ZNF362: variants seen among roughly 807,000 people sequenced by gnomAD.
The protein encoded by ZNF362 is zinc finger protein 362, also known as rotund homolog.
A neutral mutation model predicts 42.9 loss-of-function variants in ZNF362; 11 were observed. That is an observed-to-expected ratio of 0.26 (90% CI 0.16 to 0.42). The LOEUF (loss-of-function observed/expected upper bound fraction) is 0.42, where lower values mean the gene tolerates loss of function less well. Among genes scored for constraint, ZNF362 ranks in the 20% least tolerant of loss-of-function variants. The probability of loss-of-function intolerance (pLI) is 1.00; values close to 1 mark genes in which losing one functional copy is unlikely to be tolerated. For synonymous variants in ZNF362, 255 were observed against 257.3 expected (o/e 0.99, Z 0.09); for missense variants, 362 against 576.2 (o/e 0.63, Z 3.81).
chr1:33,243,161 G>A, the ZNF362 span, among the ~76,000 whole-genome samples: 22 of 121,460 alleles, frequency 1.8e-4, no homozygotes, highest in African/African-American at 7.4e-4. Flanking sequence ...ATGTTATGTT[G>A]TTATGTTATT....
the ZNF362 span, among the ~76,000 whole-genome samples, chr1:33,225,603 T>C: frequency 2.0e-5 from 3 of 152,050 alleles, no homozygotes. Context: ...TCTCTGAAAG[T>C]AGATGGGGTA....
At chr1:33,238,313 C>T in the ZNF362 span, among the ~76,000 whole-genome samples, 38 of 18,226 alleles carry the variant, frequency 2.1e-3, no homozygotes, top group Non-Finnish European at 4.0e-3. Context: ...TGTGAGGCTC[C>T]GTCTCAAAAT....
At chr1:33,239,444 T>TATTA in the ZNF362 span, among the ~76,000 whole-genome samples, 1 of 152,342 alleles carries the variant, frequency 6.6e-6, no homozygotes, top group East Asian at 1.9e-4. Flanking sequence ...AATGATAGTG[T>TATTA]ATTAGTCCGT....
chr1:33,232,486 A>G, the ZNF362 span, among the ~76,000 whole-genome samples: 2 of 152,118 alleles, frequency 1.3e-5, no homozygotes, highest in Non-Finnish European at 2.9e-5. Flanking sequence ...CTGGTCTCAA[A>G]CTCCTGACAA....
At chr1:33,261,252 C>T (rs1645826151) in intron 1 of ZNF362, 1 of 152,246 alleles carries the variant, frequency 6.6e-6, no homozygotes, top group South Asian at 2.1e-4. Context: ...AAAAAACCCC[C>T]CTCCAGTGAA....
chr1:33,154,806 A>G, the ZNF362 span, among the ~76,000 whole-genome samples: 1 of 123,916 alleles, frequency 8.1e-6, no homozygotes, highest in South Asian at 2.7e-4. Context: ...TCCAAAAAAA[A>G]AAAGTGGCCA....
the ZNF362 span, among the ~76,000 whole-genome samples, chr1:33,189,684 C>T: frequency 0.5 from 10,068 of 19,994 alleles, 1,553 homozygotes; most frequent in East Asian, 0.62. Flanking sequence ...TATATATATA[C>T]GTATATATAT....
intron 6 of ZNF362, among the ~76,000 whole-genome samples, chr1:33,289,367 G>T (rs1243548898): frequency 6.6e-6 from 1 of 152,130 alleles, no homozygotes; most frequent in Non-Finnish European, 1.5e-5. Context: ...GGAAAAAGAG[G>T]GAGACCATGG....
At chr1:33,298,685 T>C (rs1646141883) in intron 8 of ZNF362, among the ~76,000 whole-genome samples, 4 of 152,232 alleles carry the variant, frequency 2.6e-5, no homozygotes, top group Non-Finnish European at 1.5e-5. Context: ...CCTGGGGGCC[T>C]GGCCCTGGAG....
chr1:33,195,493 T>TACAC, the ZNF362 span: 1 of 152,224 alleles, frequency 6.6e-6, no homozygotes, highest in Non-Finnish European at 1.5e-5. Flanking sequence ...AGAGGATACT[T>TACAC]ACACAAACCT....
At chr1:33,156,361 CTCA>C in the ZNF362 span, among the ~76,000 whole-genome samples, 1 of 152,230 alleles carries the variant, frequency 6.6e-6, no homozygotes, top group Non-Finnish European at 1.5e-5. Flanking sequence ...CCAACCAGCT[CTCA>C]TCAAGGCCAC....
the ZNF362 span, among the ~76,000 whole-genome samples, chr1:33,129,534 C>T: frequency 1.1e-4 from 17 of 152,158 alleles, no homozygotes; most frequent in Non-Finnish European, 1.9e-4. The surrounding 1 kb of genome is among the most constrained non-coding windows in gnomAD (Gnocchi z 4.1). Context: ...TATATGTTTA[C>T]GCATTGTGCA....
chr1:33,237,620 A>T, the ZNF362 span, among the ~76,000 whole-genome samples: 1 of 152,126 alleles, frequency 6.6e-6, no homozygotes, highest in Non-Finnish European at 1.5e-5. Flanking sequence ...TCTTTATAGT[A>T]TTCTTCCCCT....
At chr1:33,214,510 T>TA in the ZNF362 span, among the ~76,000 whole-genome samples, 3 of 152,050 alleles carry the variant, frequency 2.0e-5, no homozygotes, top group African/African-American at 7.2e-5. Flanking sequence ...CACATCCAGC[T>TA]AAAAATCTTC....
At chr1:33,277,071 C>A (rs1452288441) in intron 4 of ZNF362, among the ~76,000 whole-genome samples, 1 of 152,228 alleles carries the variant, frequency 6.6e-6, no homozygotes, top group Non-Finnish European at 1.5e-5. Flanking sequence ...GACAGACCGT[C>A]TGGGGTGGGG....
At chr1:33,250,893 A>AAGG in the ZNF362 span, among the ~76,000 whole-genome samples, 6 of 150,006 alleles carry the variant, frequency 4.0e-5, no homozygotes, top group African/African-American at 9.8e-5. Context: ...GAAGAAGAAG[A>AAGG]AGGAGAAGAA....
At chr1:33,276,659 G>A in intron 4 of ZNF362, 65 bp downstream of exon 4, 1 of 1,290,432 alleles carries the variant, frequency 7.7e-7, no homozygotes, top group African/African-American at 1.6e-5. Flanking sequence ...GGGCGTAGCG[G>A]GGGACTTGGT....
chr1:33,285,065 A>G (rs907846007), intron 6 of ZNF362, among the ~76,000 whole-genome samples: 2 of 152,342 alleles, frequency 1.3e-5, no homozygotes, highest in East Asian at 1.9e-4. Context: ...ACAATATCAC[A>G]ATGGAGGACA....
chr1:33,142,825 G>A, the ZNF362 span: 5 of 152,134 alleles, frequency 3.3e-5, no homozygotes, highest in Admixed American at 2.6e-4. Context: ...TGGATGGACC[G>A]GGTTTGATTT....
Sources: gnomAD v4.1 joint callset for allele counts (sites outside exome capture counted in the v4.1 genomes callset) on GRCh38, gnomAD v4.1.1 for gene constraint, Gnocchi (gnomAD v3.1) non-coding constraint, MANE v1.5 for transcripts, NCBI Gene and HGNC (gene_info 2026-07-23, HGNC 2026-07-21) for gene names.